The following RTN4IP1 variants were observed in gnomAD, a reference collection of about 807,000 sequenced individuals.
RTN4IP1 encodes reticulon 4 interacting protein 1.
RTN4IP1 carries 32 observed loss-of-function variants against 46.6 expected under a neutral mutation model. The observed-to-expected ratio is 0.69, with a 90% CI of 0.52 to 0.92. The LOEUF (loss-of-function observed/expected upper bound fraction) is 0.92. Among genes scored for constraint, RTN4IP1 ranks in the 40% least tolerant of loss-of-function variants. The pLI, the probability that RTN4IP1 is intolerant of heterozygous loss-of-function variation, is 0.00. For missense variants in RTN4IP1, 424 were observed against 485.8 expected (o/e 0.87, Z 1.20); for synonymous variants, 167 against 161.8 (o/e 1.03, Z -0.24).
At chr6:106,598,153 C>G (rs1046392960) in intron 5 of RTN4IP1, among the ~76,000 whole-genome samples, 9 of 152,044 alleles carry the variant, frequency 5.9e-5, no homozygotes, top group African/African-American at 2.2e-4. Flanking sequence ...CCGCAATAAA[C>G]ATACGTGTGC....
chr6:106,571,786 T>C lies in RTN4IP1; in HGVS notation c.*210A>G, dbSNP rs9486408. On this transcript the variant is annotated 3_prime_UTR_variant, in exon 9 of 9. Coordinates refer to ENST00000369063, the MANE Select transcript of RTN4IP1 (RefSeq NM_032730.5). ...GTGTGAAGGAACAGCTTGAAAAAAC[T>C]TCGAATTTCTACTGACTACAGACAA... 0.13 allele frequency: 60,349 copies of C among 481,260 alleles called. 4,695 individuals carry two copies. Among genetic ancestry groups the C allele is most frequent in the African/African-American group, 0.28 (13,803 of 50,034 alleles). The allele number at this position is 481,260 out of a possible 1,614,324, so 29.8% of individuals were successfully genotyped here.
chr6:106,573,987 G>A (rs1406149058), intron 8 of RTN4IP1, among the ~76,000 whole-genome samples: 1 of 152,176 alleles, frequency 6.6e-6, no homozygotes, highest in Non-Finnish European at 1.5e-5. Context: ...CCCACAAGCT[G>A]AGCATGACCT....
intron 7 of RTN4IP1, among the ~76,000 whole-genome samples, chr6:106,586,069 C>T (rs1210303562): frequency 6.6e-6 from 1 of 152,166 alleles, no homozygotes; most frequent in Non-Finnish European, 1.5e-5. Context: ...TTGTTCATTT[C>T]TATTACCCAT....
chr6:106,578,141 T>C (rs544196398), intron 8 of RTN4IP1, among the ~76,000 whole-genome samples: 4 of 152,304 alleles, frequency 2.6e-5, no homozygotes, highest in African/African-American at 9.6e-5. Flanking sequence ...TGCAAGATAC[T>C]GAGAAATACA....
intron 1 of RTN4IP1, among the ~76,000 whole-genome samples, chr6:106,624,686 A>C (rs1239733998): frequency 1.3e-5 from 2 of 150,242 alleles, no homozygotes; most frequent in Non-Finnish European, 3.0e-5. Context: ...GGTGGCTCAC[A>C]TCTGTAATCC....
chr6:106,620,336 CT>C lies in RTN4IP1; in HGVS notation c.496-1011del, dbSNP rs1386289647. ...GCCAGGCTGGTCTCGAACTCCTGAC[CT>C]TGTGATCCACGCACCTCGGCCTCCC... is the stretch of plus-strand genomic sequence containing the variant. On this transcript the variant is annotated intron_variant, in intron 3 of 8. Transcript: ENST00000369063. Among the ~76,000 whole-genome samples the C allele has an allele frequency of 2.0e-5, 3 of 152,266 alleles. No homozygotes were observed. The East Asian group carries it at 5.8e-4, about 29-fold the overall frequency.
intron 1 of RTN4IP1, among the ~76,000 whole-genome samples, chr6:106,627,487 G>A (rs1222196109): frequency 6.6e-6 from 1 of 152,142 alleles, no homozygotes; most frequent in Non-Finnish European, 1.5e-5. Context: ...CGTATGTGAA[G>A]CACTGAAACA....
intron 8 of RTN4IP1, among the ~76,000 whole-genome samples, chr6:106,573,580 T>C (rs1203648891): frequency 1.3e-5 from 2 of 152,370 alleles, no homozygotes; most frequent in East Asian, 3.9e-4. Context: ...AGAGATTTCA[T>C]CTCATTTAAT....
At chr6:106,602,958 T>G (rs1775983046) in intron 4 of RTN4IP1, 36 bp from the exon 5 acceptor site, 1 of 1,527,620 alleles carries the variant, frequency 6.5e-7, no homozygotes, top group Non-Finnish European at 8.9e-7. Flanking sequence ...AACGAGAATC[T>G]AAAGCAGATA....
chr6:106,603,870 T>C (rs1293983428), intron 4 of RTN4IP1, among the ~76,000 whole-genome samples: 1 of 152,184 alleles, frequency 6.6e-6, no homozygotes, highest in African/African-American at 2.4e-5. Flanking sequence ...ATGCTACTGA[T>C]TGAGGCTGAG....
At chr6:106,621,342 A>G in intron 3 of RTN4IP1, 83 bp downstream of exon 3, 1 of 1,028,544 alleles carries the variant, frequency 9.7e-7, no homozygotes, top group Non-Finnish European at 1.5e-6. Flanking sequence ...CATAAACTAG[A>G]TCTGAAAAAC....
rs528377855 is a variant in RTN4IP1 at position 106,610,746 on chromosome 6, G to C, written c.621-7824C>G. ...CTATTACTTCTTAAGTACACATATA[G>C]AGCTTCTTTGGAAGTCAGAAGGGAT... On this transcript the variant is annotated intron_variant, in intron 4 of 8. Transcript: ENST00000369063. Among the ~76,000 whole-genome samples the C allele has an allele frequency of 5.3e-5, 8 of 152,070 alleles. No homozygotes were observed. In the South Asian group the frequency reaches 1.7e-3, roughly 32 times the overall value.
chr6:106,611,819 A>G (rs1258011158), intron 4 of RTN4IP1, among the ~76,000 whole-genome samples: 1 of 152,238 alleles, frequency 6.6e-6, no homozygotes, highest in Non-Finnish European at 1.5e-5. Flanking sequence ...TGTGTGAATT[A>G]AATGTTTAGA....
At chr6:106,616,812 T>G (rs1202042346) in intron 4 of RTN4IP1, among the ~76,000 whole-genome samples, 2 of 152,250 alleles carry the variant, frequency 1.3e-5, no homozygotes, top group South Asian at 2.1e-4. Flanking sequence ...AGGCCATTAT[T>G]ATAACCCATG....
chr6:106,597,190 C>A (rs2114648280), intron 5 of RTN4IP1, among the ~76,000 whole-genome samples: 2 of 152,270 alleles, frequency 1.3e-5, no homozygotes, highest in Middle Eastern at 6.8e-3. Flanking sequence ...AATTTCAAAT[C>A]ATTTAATTTC....
chr6:106,582,258 G>A (rs1485639260), intron 8 of RTN4IP1, among the ~76,000 whole-genome samples: 3 of 152,158 alleles, frequency 2.0e-5, no homozygotes, highest in African/African-American at 7.2e-5. Flanking sequence ...TGCCAGCAAG[G>A]AGCAGGGGCC....
At chr6:106,572,845 C>T (rs1294442375) in intron 8 of RTN4IP1, among the ~76,000 whole-genome samples, 1 of 152,124 alleles carries the variant, frequency 6.6e-6, no homozygotes, top group Non-Finnish European at 1.5e-5. Flanking sequence ...GCATAAAGTA[C>T]TTGTGGGATA....
intron 5 of RTN4IP1, among the ~76,000 whole-genome samples, chr6:106,602,657 C>T (rs111813902): frequency 6.6e-5 from 10 of 152,254 alleles, no homozygotes; most frequent in African/African-American, 1.7e-4. Flanking sequence ...GATTGTGCCA[C>T]TGCACTCCAG....
chr6:106,608,955 G>A (rs953036099), intron 4 of RTN4IP1, among the ~76,000 whole-genome samples: 2 of 152,108 alleles, frequency 1.3e-5, no homozygotes, highest in South Asian at 2.1e-4. Flanking sequence ...ACTATTTCCT[G>A]AATGGAACTC....
Sources: gnomAD v4.1 joint callset for allele counts (sites outside exome capture counted in the v4.1 genomes callset) on GRCh38, gnomAD v4.1.1 for gene constraint, MANE v1.5 for transcripts, NCBI Gene and HGNC (gene_info 2026-07-23, HGNC 2026-07-21) for gene names.